EIF3M: variants seen among roughly 807,000 people sequenced by gnomAD.
EIF3M encodes eukaryotic translation initiation factor 3 subunit M.
In EIF3M, 25 loss-of-function variants were observed where a neutral mutation model predicts 49.7. The ratio of observed to expected loss-of-function variants is 0.50; its 90% CI spans 0.37 to 0.70. The LOEUF (loss-of-function observed/expected upper bound fraction) is 0.70. Among genes scored for constraint, EIF3M ranks in the 30% least tolerant of loss-of-function variants. The pLI, the probability that EIF3M is intolerant of heterozygous loss-of-function variation, is 0.00. For synonymous variants in EIF3M, 156 were observed against 149.8 expected (o/e 1.04, Z -0.30); for missense variants, 350 against 440.0 (o/e 0.80, Z 1.83).
chr11:32,587,575 G>T (rs1035399825), intron 2 of EIF3M, among the ~76,000 whole-genome samples: 4 of 152,104 alleles, frequency 2.6e-5, no homozygotes, highest in African/African-American at 7.2e-5. Context: ...CCTATTTTGA[G>T]AAAACCTTTA....
In EIF3M at chr11:32,596,032, T is replaced by C; in HGVS notation, c.784T>C (p.Phe262Leu). Reference sequence around the variant, plus strand: ...CAAGTTTTATCAGAATAATAAAGACTTCATTGATTCACTTGGTAAGTTTTG... The same window carrying C: ...CAAGTTTTATCAGAATAATAAAGACCTCATTGATTCACTTGGTAAGTTTTG... ...YVKFYQNNKD[F>L]IDSLGLLHEQ... Residue 262 changes from phenylalanine (F) to leucine (L), a missense_variant, in exon 8 of 11, where the codon TTC becomes CTC. Phe to Leu is a conservative substitution (Grantham distance 22). Transcript: ENST00000531120. The C allele has an allele frequency of 6.4e-7, 1 of 1,553,334 alleles. No individual in the cohort carries two copies. The highest frequency in any genetic ancestry group is 1.4e-5 in the African/African-American group (1 of 70,940).
At chr11:32,594,001 C>G in intron 6 of EIF3M, 52 bp downstream of exon 6, 1 of 1,237,488 alleles carries the variant, frequency 8.1e-7, no homozygotes, top group Non-Finnish European at 1.1e-6. Flanking sequence ...TAGAGGTAAG[C>G]TACAATATTA....
chr11:32,599,520 A>T (rs1179675427), intron 8 of EIF3M, among the ~76,000 whole-genome samples: 1 of 151,890 alleles, frequency 6.6e-6, no homozygotes, highest in Non-Finnish European at 1.5e-5. Flanking sequence ...TTATTTATGG[A>T]GTGTTTAGAG....
intron 3 of EIF3M, 121 bp from the exon 4 acceptor site, chr11:32,588,891 T>A: frequency 6.5e-7 from 1 of 1,531,730 alleles, no homozygotes; most frequent in Non-Finnish European, 8.8e-7. Context: ...GTGCCCTAGT[T>A]TCCTCCTTTG....
At position 32,587,095 on chromosome 11, in the gene EIF3M, A is replaced by G. The variant is rs1420917235; in HGVS notation, c.126A>G (p.Leu42=). 6.2e-7 allele frequency: 1 copy of G among 1,612,788 alleles called. No individual in the cohort carries two copies. Among genetic ancestry groups the G allele is most frequent in the Admixed American group, 1.7e-5 (1 of 59,984 alleles). The change falls in exon 2 of 11, where the codon TTA becomes TTG. Residue 42 remains leucine (L), a synonymous_variant. Coordinates refer to ENST00000531120, the MANE Select transcript of EIF3M (RefSeq NM_006360.6). ...CGGAAGGTGGACTTCATGTTGATTT[A>G]GCTCAAATTATTGAAGCCTGTGATG... ...ENSEGGLHVD[L]AQIIEACDVC...
chr11:32,593,295 A>G (rs1176238994), intron 5 of EIF3M, among the ~76,000 whole-genome samples: 1 of 152,208 alleles, frequency 6.6e-6, no homozygotes, highest in Non-Finnish European at 1.5e-5. Context: ...ATTTTGCCCT[A>G]TTTACTCCAG....
intron 9 of EIF3M, chr11:32,601,074 G>A (rs1281589176): frequency 2.6e-5 from 8 of 302,460 alleles, no homozygotes; most frequent in African/African-American, 1.1e-4. Context: ...CACCACTGTG[G>A]TTAAGAGCAC....
rs532065868 is a variant in EIF3M, at chr11:32,600,619, C to G, written c.800-70C>G. ...AGTAAAAATAATTTCCACAGCTTAA[C>G]ATGAGATGTAATTGTGCAGGTCTTT... On this transcript the variant is annotated intron_variant, in intron 8 of 10. Coordinates refer to ENST00000531120, the MANE Select transcript of EIF3M (RefSeq NM_006360.6). 6.7e-4 allele frequency: 941 copies of G among 1,405,808 alleles called. 2 individuals are homozygous for G. The highest frequency in any genetic ancestry group is 3.4e-3 in the South Asian group (189 of 56,006). 87.1% of individuals were successfully genotyped at this position (1,405,808 alleles called of 1,614,324 possible).
At chr11:32,586,253 CAAA>C (rs369755109) in intron 1 of EIF3M, among the ~76,000 whole-genome samples, 1 of 149,976 alleles carries the variant, frequency 6.7e-6, no homozygotes, top group East Asian at 1.9e-4. Flanking sequence ...CAAAACAAAA[CAAA>C]AAAAAACTGC....
At position 32,604,617 on chromosome 11, in the gene EIF3M, T is replaced by G. The variant is rs1312755360; in HGVS notation, c.*2218T>G. 2 of 152,202 alleles carry G rather than the reference T, an allele frequency of 1.3e-5. No homozygotes were observed. Among genetic ancestry groups the G allele is most frequent in the African/African-American group, 2.4e-5 (1 of 41,454 alleles). 9.4% of individuals were successfully genotyped at this position (152,202 alleles called of 1,614,324 possible). A position where few individuals can be genotyped will look rare whatever the true frequency, so the allele number is the denominator to read the frequency against. Reference sequence around the variant, plus strand: ...CATTTTTAGCATTTCCTCCTGTTCTTAAGTCTGTTAAGAGGATAGCTCCAT... The same window carrying G: ...CATTTTTAGCATTTCCTCCTGTTCTGAAGTCTGTTAAGAGGATAGCTCCAT... On this transcript the variant is annotated 3_prime_UTR_variant, in exon 11 of 11. Coordinates refer to ENST00000531120, the MANE Select transcript of EIF3M (RefSeq NM_006360.6).
chr11:32,589,236 G>T, intron 4 of EIF3M, 101 bp downstream of exon 4: 1 of 1,519,278 alleles, frequency 6.6e-7, no homozygotes, highest in Non-Finnish European at 8.8e-7. Context: ...GAGTGCAATG[G>T]CGCAATCTCA....
rs762912374 is a variant in EIF3M, at chr11:32,601,864, A to G, written c.1004+42A>G. 5 of 1,596,762 alleles carry G rather than the reference A, an allele frequency of 3.1e-6. No homozygotes were observed. The East Asian group carries it at 9.0e-5, about 29-fold the overall frequency. Reference sequence around the variant, plus strand: ...TTTGCAGCATTTTATAGAACGATTTAGTTTGTTCCGATTATTTCACTTAAA... The same window carrying G: ...TTTGCAGCATTTTATAGAACGATTTGGTTTGTTCCGATTATTTCACTTAAA... On this transcript the variant is annotated intron_variant, in intron 10 of 10. Transcript: ENST00000531120.
chr11:32,594,868 C>G (rs1245672561), intron 6 of EIF3M, 46 bp from the exon 7 acceptor site: 1 of 1,539,042 alleles, frequency 6.5e-7, no homozygotes, highest in Admixed American at 2.0e-5. Flanking sequence ...CAATGAAAAG[C>G]CAGGATTTCA....
At position 32,605,125 on chromosome 11, in the gene EIF3M, T is replaced by A. The variant is rs997381195; in HGVS notation, c.*2726T>A. ...CCTCGGCCTCCCAAAGTGTTGGGAT[T>A]ACAGGCATGAGCCACCCTGCCCGAC... On this transcript the variant is annotated 3_prime_UTR_variant, in exon 11 of 11. Transcript: ENST00000531120. 1 of 152,004 alleles carries A rather than the reference T, an allele frequency of 6.6e-6. No individual in the cohort carries two copies. The highest frequency in any genetic ancestry group is 2.4e-5 in the African/African-American group (1 of 41,408). 9.4% of individuals were successfully genotyped at this position (152,004 alleles called of 1,614,324 possible).
intron 8 of EIF3M, among the ~76,000 whole-genome samples, chr11:32,598,941 A>T (rs1390308582): frequency 6.6e-6 from 1 of 152,096 alleles, no homozygotes; most frequent in Non-Finnish European, 1.5e-5. Context: ...CATTTGCCTT[A>T]CGTTTCTTGA....
chr11:32,599,805 A>G (rs774809846), intron 8 of EIF3M, among the ~76,000 whole-genome samples: 2 of 151,890 alleles, frequency 1.3e-5, no homozygotes, highest in African/African-American at 2.4e-5. Context: ...AAATGAACCT[A>G]TTCTAGGCCT....
At chr11:32,584,882 A>G (rs1854970764) in intron 1 of EIF3M, among the ~76,000 whole-genome samples, 1 of 152,158 alleles carries the variant, frequency 6.6e-6, no homozygotes, top group Admixed American at 6.6e-5. Context: ...GTTTAACCTT[A>G]TTTGGTAGGA....
chr11:32,591,981 C>T (rs1369239134), intron 5 of EIF3M: 1 of 263,572 alleles, frequency 3.8e-6, no homozygotes, highest in Non-Finnish European at 7.5e-6. Context: ...ATCATATCCT[C>T]CACTGCTGCC....
At chr11:32,587,355 A>G (rs962993029) in intron 2 of EIF3M, among the ~76,000 whole-genome samples, 1 of 152,182 alleles carries the variant, frequency 6.6e-6, no homozygotes, top group Non-Finnish European at 1.5e-5. Context: ...CACAGGTGAT[A>G]TTTTGATACA....
Sources: gnomAD v4.1 joint callset for allele counts (sites outside exome capture counted in the v4.1 genomes callset) on GRCh38, gnomAD v4.1.1 for gene constraint, MANE v1.5 for transcripts, NCBI Gene and HGNC (gene_info 2026-07-23, HGNC 2026-07-21) for gene names.